AMZ2: variants seen among roughly 807,000 people sequenced by gnomAD.
AMZ2 encodes archaelysin family metallopeptidase 2.
Under a neutral mutation model 36.7 loss-of-function variants are expected in AMZ2, and 26 were observed. The ratio of observed to expected loss-of-function variants is 0.71; its 90% CI spans 0.52 to 0.98. The LOEUF (loss-of-function observed/expected upper bound fraction) is 0.98, where lower values mean the gene tolerates loss of function less well. Among genes scored for constraint, AMZ2 ranks in the 50% least tolerant of loss-of-function variants. AMZ2 has a pLI of 0.00. For missense variants in AMZ2, 394 were observed against 430.5 expected (o/e 0.92, Z 0.75); for synonymous variants, 144 against 149.1 (o/e 0.97, Z 0.25).
chr17:68,210,613 A>C (rs2073015053), intron 1 of AMZ2, among the ~76,000 whole-genome samples: 1 of 152,164 alleles, frequency 6.6e-6, no homozygotes, highest in South Asian at 2.1e-4. Flanking sequence ...GTTGTACAAC[A>C]ATGTGAATAT....
intron 6 of AMZ2, among the ~76,000 whole-genome samples, chr17:68,256,579 T>C (rs1423434451): frequency 6.6e-6 from 1 of 152,252 alleles, no homozygotes; most frequent in African/African-American, 2.4e-5. Context: ...TGTATTTCTT[T>C]TTCATCTTTT....
Position 68,248,418 on chromosome 17 carries a change from G to A in AMZ2, c.-288G>A. On this transcript the variant is annotated 5_prime_UTR_variant, in exon 1 of 7. Transcript: ENST00000359904. ...CAGTGCGAGTTGCTATAGGCAACCA[G>A]CCAGGGTGGCCAGCTCCTTCCCGTT... The A allele has an allele frequency of 4.1e-6, 4 of 986,220 alleles. No homozygotes were observed. The highest frequency in any genetic ancestry group is 4.8e-6 in the Non-Finnish European group (4 of 830,216). 61.1% of individuals were successfully genotyped at this position (986,220 alleles called of 1,614,324 possible).
Position 68,206,214 on chromosome 17 carries a change from C to G in AMZ2, c.-91C>G, listed in dbSNP as rs189097537. On this transcript the variant is annotated 5_prime_UTR_variant, in exon 1 of 8. Transcript: ENST00000674770. ...CTGCACAGAAAGCAGCTTCAGGAGC[C>G]ATAGTACCTACAGCAGCACTCCAGG... is the stretch of plus-strand genomic sequence containing the variant. The G allele has an allele frequency of 4.0e-3, 5,224 of 1,303,522 alleles. 15 individuals carry two copies. The highest frequency in any genetic ancestry group is 4.8e-3 in the Non-Finnish European group (4,886 of 1,017,412). 80.7% of individuals were successfully genotyped at this position (1,303,522 alleles called of 1,614,324 possible).
intron 1 of AMZ2, among the ~76,000 whole-genome samples, chr17:68,212,779 A>T (rs1444871596): frequency 6.6e-6 from 1 of 151,888 alleles, no homozygotes; most frequent in African/African-American, 2.4e-5. Flanking sequence ...GGGTTTTGTC[A>T]TGTTGCCTAA....
At chr17:68,234,827 A>G (rs1238330400) in intron 1 of AMZ2, among the ~76,000 whole-genome samples, 1 of 152,008 alleles carries the variant, frequency 6.6e-6, no homozygotes, top group East Asian at 1.9e-4. Context: ...AGCCCGGCCA[A>G]CAACATGGTG....
At chr17:68,214,241 T>C (rs1433713079) in intron 1 of AMZ2, among the ~76,000 whole-genome samples, 1 of 152,178 alleles carries the variant, frequency 6.6e-6, no homozygotes, top group Non-Finnish European at 1.5e-5. Flanking sequence ...TGATTTTCAT[T>C]GTCTCTTTTA....
intron 1 of AMZ2, among the ~76,000 whole-genome samples, chr17:68,216,790 G>T (rs8077864): frequency 0.31 from 46,537 of 151,876 alleles, 7,258 homozygotes; most frequent in African/African-American, 0.35. Flanking sequence ...CAGCACTTCG[G>T]GAGGCTGAGG....
intron 1 of AMZ2, among the ~76,000 whole-genome samples, chr17:68,209,024 G>A (rs781879163): frequency 3.3e-5 from 5 of 152,172 alleles, no homozygotes; most frequent in Non-Finnish European, 7.3e-5. Flanking sequence ...ACCAATGCTG[G>A]ACACTAACAT....
At chr17:68,238,163 T>A (rs1463360757) in intron 1 of AMZ2, among the ~76,000 whole-genome samples, 3 of 152,064 alleles carry the variant, frequency 2.0e-5, no homozygotes, top group African/African-American at 7.2e-5. Context: ...TCCTCCAGGG[T>A]TCAACTGAGG....
At chr17:68,207,113 TGAA>T (rs1256246637) in intron 1 of AMZ2, 1 of 152,240 alleles carries the variant, frequency 6.6e-6, no homozygotes, top group Non-Finnish European at 1.5e-5. Context: ...ACATAATTGC[TGAA>T]GATAAACTTT....
At position 68,248,047 on chromosome 17, in the gene AMZ2, C is replaced by T; in HGVS notation, c.-659C>T. ...CCAGTGGGCGTGGCGTGGCGCAGTGCGAAGGGACGCGGTGCGCATGCGCGT... is the reference window on the plus strand; with the variant it reads ...CCAGTGGGCGTGGCGTGGCGCAGTGTGAAGGGACGCGGTGCGCATGCGCGT... On this transcript the variant is annotated 5_prime_UTR_variant, in exon 1 of 7. Coordinates refer to ENST00000359904, the MANE Select transcript of AMZ2 (RefSeq NM_016627.5). 1 of 986,360 alleles carries T rather than the reference C, an allele frequency of 1.0e-6. No homozygotes were observed. The highest frequency in any genetic ancestry group is 1.2e-6 in the Non-Finnish European group (1 of 830,716). 61.1% of individuals were successfully genotyped at this position (986,360 alleles called of 1,614,324 possible).
At chr17:68,246,195 C>CAAAAAAAAAAAAAAAAAAA (rs57477453), upstream of AMZ2, among the ~76,000 whole-genome samples, 20 of 83,824 alleles carry the variant, frequency 2.4e-4, no homozygotes, top group East Asian at 7.8e-4. Context: ...ACTAAAAATA[C>CAAAAAAAAAAAAAAAAAAA]AAAAAAAAAA....
chr17:68,232,367 G>C (rs1410238047), intron 1 of AMZ2, among the ~76,000 whole-genome samples: 1 of 151,586 alleles, frequency 6.6e-6, no homozygotes, highest in Admixed American at 6.6e-5. Context: ...GTGGTGGCCT[G>C]CATCTCTAGT....
At chr17:68,216,781 A>G (rs1273731479) in intron 1 of AMZ2, among the ~76,000 whole-genome samples, 9 of 152,216 alleles carry the variant, frequency 5.9e-5, no homozygotes, top group African/African-American at 2.2e-4. Flanking sequence ...CTGTAATCCC[A>G]GCACTTCGGG....
At chr17:68,245,375 C>G (rs140357834), upstream of AMZ2, among the ~76,000 whole-genome samples, 259 of 151,728 alleles carry the variant, frequency 1.7e-3, 4 homozygotes, top group Middle Eastern at 0.014. Context: ...GTAGCTGAGA[C>G]TACAGGCATG....
At chr17:68,221,832 C>T (rs782172659) in intron 1 of AMZ2, among the ~76,000 whole-genome samples, 1 of 151,932 alleles carries the variant, frequency 6.6e-6, no homozygotes, top group African/African-American at 2.4e-5. Flanking sequence ...AGGTGGTTGC[C>T]ATGAGCTGAG....
At chr17:68,217,005 C>T (rs375801662) in intron 1 of AMZ2, among the ~76,000 whole-genome samples, 25 of 150,056 alleles carry the variant, frequency 1.7e-4, no homozygotes, top group Non-Finnish European at 2.8e-4. Context: ...TGCACTCCAG[C>T]CTGGGCGACA....
intron 1 of AMZ2, among the ~76,000 whole-genome samples, chr17:68,241,799 C>A (rs1568364134): frequency 1.1e-5 from 1 of 93,472 alleles, no homozygotes. Context: ...GATCTCAGAA[C>A]CTGCAACCTC....
chr17:68,225,261 G>A (rs1337997264), intron 1 of AMZ2, among the ~76,000 whole-genome samples: 14 of 152,136 alleles, frequency 9.2e-5, no homozygotes, highest in Non-Finnish European at 1.6e-4. Context: ...TTGCCACCCT[G>A]CAGTGATAGA....
Sources: gnomAD v4.1 joint callset for allele counts (sites outside exome capture counted in the v4.1 genomes callset) on GRCh38, gnomAD v4.1.1 for gene constraint, MANE v1.5 for transcripts, NCBI Gene and HGNC (gene_info 2026-07-23, HGNC 2026-07-21) for gene names.